Variants in TPCN2 observed in about 807,000 individuals in gnomAD.
The protein encoded by TPCN2 is two pore channel protein 2.
TPCN2 carries 92 observed loss-of-function variants against 111.4 expected under a neutral mutation model. The observed-to-expected ratio is 0.83, with a 90% CI of 0.70 to 0.98. The LOEUF (loss-of-function observed/expected upper bound fraction) is 0.98. TPCN2 is among the 50% of genes least tolerant of loss of function. TPCN2 has a pLI of 0.00. For missense variants in TPCN2, 995 were observed against 980.1 expected (o/e 1.02, Z -0.20); for synonymous variants, 405 against 414.5 (o/e 0.98, Z 0.28).
chr11:69,054,427 G>A (rs1383690780), intron 2 of TPCN2: 3 of 560,010 alleles, frequency 5.4e-6, no homozygotes, highest in East Asian at 5.9e-5. Flanking sequence ...AGAAGAGAGA[G>A]CCTCGCAGGC....
At chr11:69,056,349 G>GT (rs1420006162) in intron 4 of TPCN2, among the ~76,000 whole-genome samples, 6 of 152,320 alleles carry the variant, frequency 3.9e-5, no homozygotes, top group Admixed American at 3.9e-4. Flanking sequence ...GCCCCGGGCA[G>GT]TTTCTCATTT....
At chr11:69,073,736 G>C (rs1171628541) in intron 13 of TPCN2, among the ~76,000 whole-genome samples, 1 of 152,164 alleles carries the variant, frequency 6.6e-6, no homozygotes, top group Non-Finnish European at 1.5e-5. Flanking sequence ...GCTTGTAGGT[G>C]CTGTTCTTTC....
In TPCN2 at chr11:69,084,929, TC is replaced by T. The variant is rs1291252187; in HGVS notation, c.1762-277del. 6 of 552,138 alleles carry T rather than the reference TC, an allele frequency of 1.1e-5. No homozygotes were observed. In the South Asian group the frequency reaches 4.7e-4, roughly 44 times the overall value. The allele number at this position is 552,138 out of a possible 1,614,324, so 34.2% of individuals were successfully genotyped here. A position where few individuals can be genotyped will look rare whatever the true frequency, so the allele number is the denominator to read the frequency against. Reference sequence around the variant, plus strand: ...AGGCCTGGGGTTGGCGGGCAGCCTGTCCCCTAACTGTGGCTGCCAGGGTACC... The same window carrying T: ...AGGCCTGGGGTTGGCGGGCAGCCTGTCCCTAACTGTGGCTGCCAGGGTACC... On this transcript the variant is annotated intron_variant, in intron 19 of 24. Coordinates refer to ENST00000294309, the MANE Select transcript of TPCN2 (RefSeq NM_139075.4).
chr11:69,065,288 C>G (rs970633236), intron 7 of TPCN2, among the ~76,000 whole-genome samples: 1 of 152,206 alleles, frequency 6.6e-6, no homozygotes, highest in Non-Finnish European at 1.5e-5. Flanking sequence ...TTGCCAGAGC[C>G]TGTACCAGGT....
chr11:69,054,006 C>A, intron 1 of TPCN2, 27 bp from the exon 2 acceptor site: 1 of 1,605,360 alleles, frequency 6.2e-7, no homozygotes, highest in South Asian at 1.1e-5. Flanking sequence ...CCTGCTCGGT[C>A]ACCTGATGTG....
chr11:69,053,358 C>G (rs75335031), intron 1 of TPCN2, among the ~76,000 whole-genome samples: 3,872 of 152,180 alleles, frequency 0.025, 361 homozygotes, highest in East Asian at 0.21. Context: ...GCCCATGGAC[C>G]GGGACAGTGA....
At chr11:69,085,042 G>A (rs1318210939) in intron 19 of TPCN2, among the ~76,000 whole-genome samples, 168 bp from the exon 20 acceptor site, 1 of 152,198 alleles carries the variant, frequency 6.6e-6, no homozygotes, top group Non-Finnish European at 1.5e-5. Context: ...AGCCCTGGGG[G>A]AGGCCAGCTG....
rs745694186 is a variant in TPCN2 at position 69,078,779 on chromosome 11, G to T, written c.1396G>T (p.Asp466Tyr). Reference sequence around the variant, plus strand: ...AGATGTGCTGCCTGCTGAGCGTGATGACTTCATCCTGGGGGTAAGTTCTGA... The same window carrying T: ...AGATGTGCTGCCTGCTGAGCGTGATTACTTCATCCTGGGGGTAAGTTCTGA... ...DADVLPAERD[D>Y]FILGILNCVF... Residue 466 changes from aspartate (D) to tyrosine (Y), a missense_variant, in exon 15 of 25, where the codon GAC (aspartate) becomes TAC (tyrosine). Physicochemically the swap from Asp to Tyr is radical, Grantham distance 160. Coordinates refer to ENST00000294309, the MANE Select transcript of TPCN2 (RefSeq NM_139075.4). 26 of 1,613,986 alleles carry T rather than the reference G, an allele frequency of 1.6e-5. No homozygotes were observed. Among genetic ancestry groups the T allele is most frequent in the Non-Finnish European group, 2.2e-5 (26 of 1,180,048 alleles).
At chr11:69,058,213 A>T (rs1288493803) in intron 5 of TPCN2, among the ~76,000 whole-genome samples, 1 of 152,156 alleles carries the variant, frequency 6.6e-6, no homozygotes, top group Admixed American at 6.5e-5. Context: ...GTGGGTGCGG[A>T]GTCAGCAGAA....
chr11:69,068,146 A>G (rs940381182), intron 8 of TPCN2, among the ~76,000 whole-genome samples: 1 of 152,228 alleles, frequency 6.6e-6, no homozygotes, highest in Admixed American at 6.5e-5. Flanking sequence ...AGGTGTGGCC[A>G]GGATGGAGGC....
chr11:69,055,259 C>T lies in TPCN2; in HGVS notation c.336C>T (p.Arg112=), dbSNP rs750953918. ...PSSLTSTADV[R]YRAAPWEPPC... The stretch of plus-strand genomic sequence containing the variant: ...CACTCACCAGCACGGCGGACGTGCG[C>T]TACCGCGCTGCTCCCTGGGAGCCGC... Residue 112 remains arginine, a synonymous_variant, in exon 4 of 25, where the codon CGC becomes CGT. Transcript: ENST00000294309. The T allele has an allele frequency of 2.5e-6, 4 of 1,614,096 alleles. No homozygotes were observed. In the Admixed American group the frequency reaches 6.7e-5, roughly 27 times the overall value.
At chr11:69,085,558 C>A in intron 20 of TPCN2, 113 bp from the exon 21 acceptor site, 1 of 795,578 alleles carries the variant, frequency 1.3e-6, no homozygotes. Context: ...CTCTGTATCC[C>A]AATTTGTACC....
At chr11:69,069,047 G>A (rs1177217839) in intron 8 of TPCN2, among the ~76,000 whole-genome samples, 4 of 87,548 alleles carry the variant, frequency 4.6e-5, no homozygotes, top group African/African-American at 1.6e-4. Context: ...GACCGCAGTG[G>A]GAGCAGGACT....
At chr11:69,057,997 A>C (rs964820541) in intron 5 of TPCN2, among the ~76,000 whole-genome samples, 1 of 152,318 alleles carries the variant, frequency 6.6e-6, no homozygotes, top group Admixed American at 6.5e-5. Flanking sequence ...CTCTAGCTGA[A>C]GGCCTCGGCC....
At chr11:69,082,948 G>A (rs1003885287) in intron 18 of TPCN2, among the ~76,000 whole-genome samples, 7 of 151,396 alleles carry the variant, frequency 4.6e-5, no homozygotes, top group Non-Finnish European at 8.8e-5. Context: ...ATGATCGTGT[G>A]TGCACACATC....
intron 24 of TPCN2, 61 bp downstream of exon 24, chr11:69,087,267 G>A: frequency 6.7e-7 from 1 of 1,502,016 alleles, no homozygotes; most frequent in Non-Finnish European, 9.2e-7. Flanking sequence ...AAGAGCTGGG[G>A]GGTGGAGGGG....
chr11:69,058,300 C>T (rs1388641421), intron 5 of TPCN2, among the ~76,000 whole-genome samples: 1 of 152,146 alleles, frequency 6.6e-6, no homozygotes, highest in Non-Finnish European at 1.5e-5. Context: ...TAAACAGGCT[C>T]CGAGAAACCA....
At chr11:69,077,070 A>C (rs1855807735) in intron 13 of TPCN2, among the ~76,000 whole-genome samples, 2 of 67,148 alleles carry the variant, frequency 3.0e-5, no homozygotes, top group African/African-American at 6.0e-5. Context: ...ATGTCCCTCC[A>C]CTTGCCCTCC....
intron 4 of TPCN2, among the ~76,000 whole-genome samples, chr11:69,055,999 G>C (rs1008065629): frequency 6.6e-6 from 1 of 152,258 alleles, no homozygotes; most frequent in Non-Finnish European, 1.5e-5. Flanking sequence ...CCTCCCACAA[G>C]CTGGAGGTGG....
Sources: gnomAD v4.1 joint callset for allele counts (sites outside exome capture counted in the v4.1 genomes callset) on GRCh38, gnomAD v4.1.1 for gene constraint, MANE v1.5 for transcripts, NCBI Gene and HGNC (gene_info 2026-07-23, HGNC 2026-07-21) for gene names.